Variants in PCDH15 observed in about 807,000 individuals in gnomAD.
PCDH15 encodes protocadherin related 15.
Under a neutral mutation model 178.5 loss-of-function variants are expected in PCDH15, and 129 were observed. That is an observed-to-expected ratio of 0.72 (90% confidence interval 0.63 to 0.84). PCDH15 has a LOEUF of 0.84. PCDH15 is among the 40% of genes least tolerant of loss of function. The pLI is 0.00. For missense variants in PCDH15, 2,230 were observed against 2,099.9 expected (o/e 1.06, Z -1.21); for synonymous variants, 800 against 732.0 (o/e 1.09, Z -1.50).
intron 8 of PCDH15, among the ~76,000 whole-genome samples, chr10:54,311,310 A>G (rs1323914219): frequency 6.6e-6 from 1 of 152,120 alleles, no homozygotes; most frequent in Non-Finnish European, 1.5e-5. Context: ...GTCCAGGGAT[A>G]AATAACACTG....
intron 3 of PCDH15, among the ~76,000 whole-genome samples, chr10:54,448,907 T>C (rs1476595643): frequency 6.6e-6 from 1 of 151,800 alleles, no homozygotes; most frequent in Non-Finnish European, 1.5e-5. Flanking sequence ...GTCTGTAGAC[T>C]ACATCTCCTA....
intron 5 of PCDH15, among the ~76,000 whole-genome samples, chr10:54,352,989 A>T (rs532209133): frequency 1.2e-4 from 18 of 152,280 alleles, no homozygotes; most frequent in African/African-American, 4.1e-4. Context: ...TAAACCAAAG[A>T]TTCTCCACAC....
intron 2 of PCDH15, among the ~76,000 whole-genome samples, chr10:55,035,246 C>A (rs914739449): frequency 3.3e-5 from 5 of 152,030 alleles, no homozygotes; most frequent in African/African-American, 1.2e-4. Context: ...AAATTATATT[C>A]TTATAGCATT....
At chr10:54,064,111 A>G (rs963462421) in intron 18 of PCDH15, among the ~76,000 whole-genome samples, 2 of 152,128 alleles carry the variant, frequency 1.3e-5, no homozygotes, top group Admixed American at 1.3e-4. Context: ...AAGCTACAGA[A>G]CAGCTCTCAA....
intron 2 of PCDH15, among the ~76,000 whole-genome samples, chr10:55,532,701 A>G (rs1841480758): frequency 1.3e-5 from 2 of 152,038 alleles, no homozygotes; most frequent in Admixed American, 1.3e-4. Context: ...TAAATGCTAT[A>G]GTCTTTGATA....
intron 2 of PCDH15, among the ~76,000 whole-genome samples, chr10:55,598,451 C>G (rs1842980490): frequency 6.9e-6 from 1 of 145,462 alleles, no homozygotes; most frequent in Non-Finnish European, 1.5e-5. Context: ...AATTGATAAA[C>G]CCCGATATAC....
intron 1 of PCDH15, among the ~76,000 whole-genome samples, chr10:55,252,798 T>G (rs915597415): frequency 6.6e-6 from 1 of 152,024 alleles, no homozygotes. Flanking sequence ...CTCAAAGGAA[T>G]GAACACACAC....
chr10:54,412,525 G>A (rs563942937), intron 3 of PCDH15, among the ~76,000 whole-genome samples: 4 of 152,196 alleles, frequency 2.6e-5, no homozygotes, highest in African/African-American at 4.8e-5. Context: ...GACATACACC[G>A]AAGTTAGTTG....
chr10:54,660,959 C>T (rs550766199), intron 2 of PCDH15, among the ~76,000 whole-genome samples: 53 of 151,920 alleles, frequency 3.5e-4, no homozygotes, highest in African/African-American at 1.2e-3. Flanking sequence ...AAAAAACATA[C>T]TGCAAAATAA....
intron 3 of PCDH15, among the ~76,000 whole-genome samples, chr10:54,420,566 G>C (rs1234671890): frequency 1.3e-5 from 2 of 152,110 alleles, no homozygotes; most frequent in Non-Finnish European, 2.9e-5. Flanking sequence ...AAATGAATGG[G>C]TGGCATGAGT....
At chr10:53,887,434 G>A (rs2081175900) in intron 26 of PCDH15, among the ~76,000 whole-genome samples, 1 of 152,136 alleles carries the variant, frequency 6.6e-6, no homozygotes, top group Non-Finnish European at 1.5e-5. Context: ...TTAACAGAAA[G>A]TTGAATAATC....
chr10:54,141,581 G>GT (rs138501391), intron 14 of PCDH15, among the ~76,000 whole-genome samples: 4,505 of 152,080 alleles, frequency 0.03, 83 homozygotes, highest in Middle Eastern at 0.082. Context: ...AGACTGGGCT[G>GT]TTTTTTTAAG....
At chr10:53,970,502 G>GTTT (rs201979503) in intron 21 of PCDH15, among the ~76,000 whole-genome samples, 4 of 150,760 alleles carry the variant, frequency 2.7e-5, no homozygotes, top group Non-Finnish European at 5.9e-5. Flanking sequence ...TCCAGGAGCT[G>GTTT]TTTTTTTTTA....
intron 2 of PCDH15, among the ~76,000 whole-genome samples, chr10:55,512,335 T>G (rs1213375009): frequency 6.6e-6 from 1 of 152,120 alleles, no homozygotes; most frequent in African/African-American, 2.4e-5. Flanking sequence ...CCAAACTAAT[T>G]TAAGAATTAT....
chr10:54,859,787 A>G (rs1486849698), intron 3 of PCDH15, among the ~76,000 whole-genome samples: 1 of 151,694 alleles, frequency 6.6e-6, no homozygotes, highest in African/African-American at 2.4e-5. Flanking sequence ...ACATTTATTG[A>G]TTATGTGAAC....
intron 9 of PCDH15, among the ~76,000 whole-genome samples, chr10:54,221,049 C>G (rs998196191): frequency 6.6e-6 from 1 of 151,860 alleles, no homozygotes; most frequent in Non-Finnish European, 1.5e-5. Context: ...AAAAATTAGC[C>G]GGGCGAGGTT....
chr10:55,584,962 T>C (rs1421242135), intron 2 of PCDH15, among the ~76,000 whole-genome samples: 1 of 151,258 alleles, frequency 6.6e-6, no homozygotes, highest in Non-Finnish European at 1.5e-5. Context: ...AATTTTGACA[T>C]CATTAATTTG....
chr10:55,113,674 G>T (rs1591913095), intron 2 of PCDH15, among the ~76,000 whole-genome samples: 1 of 152,072 alleles, frequency 6.6e-6, no homozygotes, highest in African/African-American at 2.4e-5. Context: ...AATTCCAGGG[G>T]CTAATCTTGA....
intron 3 of PCDH15, among the ~76,000 whole-genome samples, chr10:54,461,930 C>T (rs369845942): frequency 6.6e-6 from 1 of 151,892 alleles, no homozygotes. Flanking sequence ...ATTCATTTTT[C>T]AGCATATATG....
Sources: gnomAD v4.1 joint callset for allele counts (sites outside exome capture counted in the v4.1 genomes callset) on GRCh38, gnomAD v4.1.1 for gene constraint, MANE v1.5 for transcripts, NCBI Gene and HGNC (gene_info 2026-07-23, HGNC 2026-07-21) for gene names.